The following ZNF25 variants were observed in gnomAD, a reference collection of about 807,000 sequenced individuals.
ZNF25 encodes the protein zinc finger protein 25 (KOX 19).
A neutral mutation model predicts 30.9 loss-of-function variants in ZNF25; 21 were observed. That is an observed-to-expected ratio of 0.68 (90% CI 0.48 to 0.98). The LOEUF (loss-of-function observed/expected upper bound fraction) is 0.98, where lower values mean the gene tolerates loss of function less well. Ranked by LOEUF, ZNF25 falls within the 50% of genes least tolerant of loss-of-function variation. The pLI is 0.00. For missense variants in ZNF25, 501 were observed against 529.9 expected (o/e 0.95, Z 0.54); for synonymous variants, 169 against 181.3 (o/e 0.93, Z 0.55).
chr10:37,964,848 T>TG (rs1189359349), intron 2 of ZNF25, among the ~76,000 whole-genome samples: 1 of 151,958 alleles, frequency 6.6e-6, no homozygotes, highest in African/African-American at 2.4e-5. Context: ...TCCAAGACAA[T>TG]GGGGAAAAGG....
chr10:37,950,935 T>C lies in ZNF25; in HGVS notation c.*1192A>G, dbSNP rs749420476. 2.6e-5 allele frequency: 4 copies of C among 152,184 alleles called. No individual in the cohort carries two copies. Among genetic ancestry groups the C allele is most frequent in the Non-Finnish European group, 5.9e-5 (4 of 68,028 alleles). The allele number at this position is 152,184 out of a possible 1,614,324, so 9.4% of individuals were successfully genotyped here. ...CCCTGCTCACACATCAACAGTAAGA[T>C]ACATAATATTTCTTACATTGCACTA... is the stretch of plus-strand genomic sequence containing the variant. On this transcript the variant is annotated 3_prime_UTR_variant, in exon 6 of 6. Coordinates refer to ENST00000302609, the MANE Select transcript of ZNF25 (RefSeq NM_145011.4).
rs750191858 is a variant in ZNF25 at position 37,957,060 on chromosome 10, T to C, written c.198A>G (p.Pro66=). 6.8e-6 allele frequency: 11 copies of C among 1,614,146 alleles called. No homozygotes were observed. In the South Asian group the frequency reaches 1.1e-4, roughly 16 times the overall value. The change falls in exon 4 of 6, where the codon CCA becomes CCG. Residue 66 remains proline (P), a synonymous_variant. Coordinates refer to ENST00000302609, the MANE Select transcript of ZNF25 (RefSeq NM_145011.4). ...AVFKLKQGKE[P]WILEVEFPHR... ...GTGGAAATTCTACTTCTAATATCCA[T>C]GGCTCTTTTCCTTGCTTCAACTTGA...
chr10:37,957,332 T>C, intron 3 of ZNF25, 88 bp downstream of exon 3: 1 of 1,485,104 alleles, frequency 6.7e-7, no homozygotes, highest in Non-Finnish European at 9.1e-7. Context: ...ATGTCAATCA[T>C]TCAACCCTAT....
intron 2 of ZNF25, among the ~76,000 whole-genome samples, chr10:37,962,360 C>A (rs563766597): frequency 4.2e-4 from 64 of 152,046 alleles, no homozygotes; most frequent in Non-Finnish European, 7.9e-4. Context: ...AAGGAAAAGA[C>A]TATTTTGTAT....
intron 2 of ZNF25, among the ~76,000 whole-genome samples, chr10:37,960,623 CAAAAAA>C (rs201582068): frequency 1.5e-5 from 1 of 65,724 alleles, no homozygotes; most frequent in African/African-American, 6.8e-5. Flanking sequence ...GACTCCATCT[CAAAAAA>C]AAAAAAAAAA....
chr10:37,952,040 T>C lies in ZNF25; in HGVS notation c.*87A>G. 7.7e-7 allele frequency: 1 copy of C among 1,290,898 alleles called. No homozygotes were observed. The highest frequency in any genetic ancestry group is 1.1e-6 in the Non-Finnish European group (1 of 942,736). 80.0% of individuals were successfully genotyped at this position (1,290,898 alleles called of 1,614,324 possible). On this transcript the variant is annotated 3_prime_UTR_variant, in exon 6 of 6. Transcript: ENST00000302609. ...ATTGTAGCTGAAAATTTCCCTCTAT[T>C]GATGCGATTCATAAGGTGTACCTCT... is the stretch of plus-strand genomic sequence containing the variant.
chr10:37,953,917 C>T (rs1452475083), intron 4 of ZNF25, among the ~76,000 whole-genome samples, 159 bp from the exon 5 acceptor site: 1 of 152,180 alleles, frequency 6.6e-6, no homozygotes, highest in East Asian at 1.9e-4. Flanking sequence ...AAAACAAACA[C>T]TGAAAACTGC....
intron 2 of ZNF25, among the ~76,000 whole-genome samples, chr10:37,962,211 A>C (rs1247931243): frequency 6.6e-6 from 1 of 151,548 alleles, no homozygotes; most frequent in Non-Finnish European, 1.5e-5. Flanking sequence ...ACTGCACTCC[A>C]GCCTGGGCGA....
chr10:37,954,297 A>T (rs192217660), intron 4 of ZNF25, among the ~76,000 whole-genome samples: 4 of 152,298 alleles, frequency 2.6e-5, no homozygotes, highest in Admixed American at 2.6e-4. Context: ...CTCTTCATCC[A>T]TCCACAGCAA....
Position 37,957,100 on chromosome 10 carries a change from T to G in ZNF25, c.158A>C (p.Lys53Thr). Residue 53 changes from lysine to threonine, a missense_variant, in exon 4 of 6, where the codon AAG becomes ACG. By Grantham distance (78) the Lys-to-Thr change is moderately conservative. Transcript: ENST00000302609. ...CTTCAACTTGAAGACTGCATTTGGC[T>G]TATTCACATGGTAACCTATGAATGG... ...HLVSVGYHVN[K>T]PNAVFKLKQG... 6.2e-7 allele frequency: 1 copy of G among 1,613,960 alleles called. No individual in the cohort carries two copies. The highest frequency in any genetic ancestry group is 8.5e-7 in the Non-Finnish European group (1 of 1,179,930).
intron 2 of ZNF25, among the ~76,000 whole-genome samples, chr10:37,961,711 C>T (rs753843624): frequency 1.4e-4 from 20 of 148,036 alleles, no homozygotes; most frequent in Non-Finnish European, 2.1e-4. Flanking sequence ...CACCTGAGGT[C>T]GGGAGTTCGA....
intron 2 of ZNF25, among the ~76,000 whole-genome samples, chr10:37,958,087 C>T (rs1041717284): frequency 6.6e-6 from 1 of 152,270 alleles, no homozygotes; most frequent in South Asian, 2.1e-4. Flanking sequence ...TTTCTCATAA[C>T]ATATCCCTGT....
At chr10:37,974,804 C>G (rs1242916321) in intron 1 of ZNF25, among the ~76,000 whole-genome samples, 4 of 152,166 alleles carry the variant, frequency 2.6e-5, no homozygotes, top group South Asian at 4.1e-4. Context: ...GAAGATATCT[C>G]TGCACTCCCA....
chr10:37,963,082 A>C (rs913561975), intron 2 of ZNF25, among the ~76,000 whole-genome samples: 12 of 150,728 alleles, frequency 8.0e-5, no homozygotes, highest in South Asian at 2.1e-4. Flanking sequence ...ACCATCAACC[A>C]GTGGAGTACT....
At chr10:37,971,845 A>T (rs1179233279) in intron 1 of ZNF25, 38 bp from the exon 2 acceptor site, 24 of 1,367,852 alleles carry the variant, frequency 1.8e-5, no homozygotes, top group Non-Finnish European at 2.4e-5. Context: ...AGTAAAATAT[A>T]TACCTTTGAG....
intron 2 of ZNF25, among the ~76,000 whole-genome samples, chr10:37,969,921 C>T (rs1464021656): frequency 1.3e-5 from 2 of 152,080 alleles, no homozygotes; most frequent in African/African-American, 2.4e-5. Context: ...TAACCATTCT[C>T]GACTCACTTT....
At chr10:37,959,239 G>T (rs943230944) in intron 2 of ZNF25, among the ~76,000 whole-genome samples, 3 of 152,082 alleles carry the variant, frequency 2.0e-5, no homozygotes, top group African/African-American at 7.2e-5. Flanking sequence ...GAGTTATAGG[G>T]GTAAATGAGT....
intron 2 of ZNF25, among the ~76,000 whole-genome samples, chr10:37,970,767 A>G (rs1365617540): frequency 1.3e-5 from 2 of 152,184 alleles, no homozygotes; most frequent in Admixed American, 6.5e-5. Context: ...TTTCTGGAAC[A>G]TGATTTGGGG....
At position 37,952,290 on chromosome 10, in the gene ZNF25, C is replaced by A. The variant is rs752434606; in HGVS notation, c.1208G>T (p.Cys403Phe). Residue 403 changes from cysteine (C) to phenylalanine (F), a missense_variant, in exon 6 of 6, where the codon TGT (cysteine) becomes TTT (phenylalanine). Physicochemically the swap from Cys to Phe is radical, Grantham distance 205. Coordinates refer to ENST00000302609, the MANE Select transcript of ZNF25 (RefSeq NM_145011.4). ...TGACTTCTGAGAAAAGGACTTCCCA[C>A]ATTCCTTGCATGCATAGGGCTTCTC... is the stretch of plus-strand genomic sequence containing the variant. Reference protein sequence around the residue: ...TGEKPYACKECGKSFSQKSHF... With the variant: ...TGEKPYACKEFGKSFSQKSHF... 6.2e-7 allele frequency: 1 copy of A among 1,613,862 alleles called. No homozygotes were observed. The highest frequency in any genetic ancestry group is 8.5e-7 in the Non-Finnish European group (1 of 1,179,914).
Sources: allele counts gnomAD v4.1 joint callset (sites outside exome capture counted in the v4.1 genomes callset), GRCh38; gene constraint gnomAD v4.1.1; transcripts MANE v1.5; gene names NCBI Gene and HGNC (gene_info 2026-07-23, HGNC 2026-07-21).